Variants in FRYL observed in about 807,000 individuals in gnomAD.
FRYL encodes the protein protein furry homolog-like.
FRYL carries 150 observed loss-of-function variants against 351.2 expected under a neutral mutation model. The ratio of observed to expected loss-of-function variants is 0.43; its 90% CI spans 0.37 to 0.49. The LOEUF (loss-of-function observed/expected upper bound fraction) is 0.49, where lower values mean the gene tolerates loss of function less well. Among genes scored for constraint, FRYL ranks in the 20% least tolerant of loss-of-function variants. FRYL has a pLI of 0.00. For missense variants in FRYL, 3,036 were observed against 3,619.3 expected, an observed-to-expected ratio of 0.84 and a Z score of 4.13; for synonymous variants, 1,153 against 1,257.1, an observed-to-expected ratio of 0.92 and a Z score of 1.75.
At chr4:48,522,067 C>CA in intron 54 of FRYL, among the ~76,000 whole-genome samples, 1 of 152,116 alleles carries the variant, frequency 6.6e-6, no homozygotes, top group Middle Eastern at 3.4e-3. Flanking sequence ...CACTTGAGGC[C>CA]AGGAGTTCAA....
chr4:48,561,840 C>T (rs1735576033), intron 32 of FRYL, among the ~76,000 whole-genome samples: 1 of 152,022 alleles, frequency 6.6e-6, no homozygotes, highest in Non-Finnish European at 1.5e-5. Context: ...CATAGCAGGA[C>T]CTCATCTCTA....
chr4:48,562,418 T>G lies in FRYL; in HGVS notation c.3696+471A>C, dbSNP rs529410410. Among the ~76,000 whole-genome samples the G allele has an allele frequency of 7.2e-4, 109 of 152,352 alleles. No individual in the cohort carries two copies. The Middle Eastern group carries it at 0.014, about 19-fold the overall frequency. ...TTAAGATGGAAGAATCTTGCCCTATTATGAATTAGTTAAGTATTGCATACT... is the reference window on the plus strand; with the variant it reads ...TTAAGATGGAAGAATCTTGCCCTATGATGAATTAGTTAAGTATTGCATACT... On this transcript the variant is annotated intron_variant, in intron 32 of 63. Coordinates refer to ENST00000358350, the MANE Select transcript of FRYL (RefSeq NM_015030.2).
chr4:48,568,180 G>A (rs1301932868), intron 27 of FRYL, among the ~76,000 whole-genome samples: 1 of 152,184 alleles, frequency 6.6e-6, no homozygotes, highest in Admixed American at 6.5e-5. Flanking sequence ...TGGGAGGATT[G>A]TTTGAGCCTG....
intron 57 of FRYL, 37 bp from the exon 58 acceptor site, chr4:48,511,021 A>G: frequency 1.3e-6 from 2 of 1,503,548 alleles, no homozygotes; most frequent in Non-Finnish European, 1.8e-6. Flanking sequence ...TTAGTGTTTC[A>G]TAAGAAGGCC....
chr4:48,746,692 G>A (rs1772719171), intron 1 of FRYL, among the ~76,000 whole-genome samples: 1 of 152,178 alleles, frequency 6.6e-6, no homozygotes, highest in Non-Finnish European at 1.5e-5. Flanking sequence ...CAGAAGTGGT[G>A]CCAGCTTCTA....
intron 4 of FRYL, among the ~76,000 whole-genome samples, chr4:48,633,411 A>G (rs545854719): frequency 1.3e-5 from 2 of 152,278 alleles, no homozygotes; most frequent in South Asian, 4.1e-4. Context: ...AGATGATACC[A>G]AAATCTGTAT....
At chr4:48,569,771 A>C (rs957442695) in intron 27 of FRYL, among the ~76,000 whole-genome samples, 4 of 152,226 alleles carry the variant, frequency 2.6e-5, no homozygotes, top group African/African-American at 9.6e-5. Flanking sequence ...AATGCTGTGC[A>C]GTTATCATAG....
chr4:48,510,284 T>C (rs1433078575), intron 58 of FRYL, 127 bp from the exon 59 acceptor site: 7 of 696,910 alleles, frequency 1.0e-5, no homozygotes, highest in Non-Finnish European at 1.8e-5. Flanking sequence ...TTAACTCTAC[T>C]CTGTCCCATA....
rs1223949889 is a variant in FRYL, at chr4:48,710,715, T to C, written c.-383-17A>G. On this transcript the variant is annotated splice_polypyrimidine_tract_variant and intron_variant, in intron 1 of 63. Transcript: ENST00000358350. Reference sequence around the variant, plus strand: ...TGTTCTAGGCTGGAAGATTAAAAAATAGGAAATATGGTCATCACTAACAGC... The same window carrying C: ...TGTTCTAGGCTGGAAGATTAAAAAACAGGAAATATGGTCATCACTAACAGC... The C allele has an allele frequency of 2.5e-5, 10 of 397,214 alleles. No individual in the cohort carries two copies. Among genetic ancestry groups the C allele is most frequent in the Non-Finnish European group, 4.0e-5 (9 of 225,634 alleles). 24.6% of individuals were successfully genotyped at this position (397,214 alleles called of 1,614,324 possible).
At chr4:48,607,844 T>C (rs1747195551) in intron 9 of FRYL, among the ~76,000 whole-genome samples, 1 of 152,184 alleles carries the variant, frequency 6.6e-6, no homozygotes, top group South Asian at 2.1e-4. Flanking sequence ...CCATCTAGAG[T>C]TAACGTAGCC....
chr4:48,645,884 G>A (rs1756370237), intron 3 of FRYL: 1 of 151,970 alleles, frequency 6.6e-6, no homozygotes, highest in South Asian at 2.1e-4. Flanking sequence ...CCATACAAAA[G>A]CCCTACACTT....
intron 1 of FRYL, among the ~76,000 whole-genome samples, chr4:48,715,770 A>G (rs1578813604): frequency 6.6e-6 from 1 of 152,188 alleles, no homozygotes; most frequent in African/African-American, 2.4e-5. Flanking sequence ...TTGGAAAAAA[A>G]CTACTTTAAA....
At chr4:48,594,639 G>A (rs1420143615) in intron 15 of FRYL, among the ~76,000 whole-genome samples, 2 of 152,126 alleles carry the variant, frequency 1.3e-5, no homozygotes, top group Admixed American at 6.5e-5. Context: ...TTGTACTCTA[G>A]TAAATAACAA....
At chr4:48,716,226 A>G (rs1296917996) in intron 1 of FRYL, among the ~76,000 whole-genome samples, 1 of 151,598 alleles carries the variant, frequency 6.6e-6, no homozygotes, top group Non-Finnish European at 1.5e-5. Context: ...CAAGGACTTC[A>G]TGCCTAAAAC....
rs756345529 is a variant in FRYL at position 48,501,652 on chromosome 4, G to C, written c.8563C>G (p.Gln2855Glu). The change falls in exon 62 of 64, where the codon CAA (glutamine) becomes GAA (glutamate). Residue 2855 changes from glutamine (Q) to glutamate (E), a missense_variant. By Grantham distance (29) the Gln-to-Glu change is conservative. Transcript: ENST00000358350. ...GCTTCATTTTTTATCGTATTTACTT[G>C]GTTGATAAGTTTACAGTAGGCCTGG... ...LFQAYCKLINQVNTIKNEAEV... is the reference protein window; with the variant it reads ...LFQAYCKLINEVNTIKNEAEV... 17 of 1,602,154 alleles carry C rather than the reference G, an allele frequency of 1.1e-5. No individual in the cohort carries two copies. Among genetic ancestry groups the C allele is most frequent in the African/African-American group, 1.3e-5 (1 of 74,718 alleles).
At chr4:48,550,079 A>C (rs1732347430) in intron 38 of FRYL, among the ~76,000 whole-genome samples, 1 of 152,212 alleles carries the variant, frequency 6.6e-6, no homozygotes, top group Non-Finnish European at 1.5e-5. Flanking sequence ...ATTCTGTGTG[A>C]CGTGGGTAAG....
Position 48,549,711 on chromosome 4 carries a change from GTA to G in FRYL, c.4634-90_4634-89del. 1 of 1,036,746 alleles carries G rather than the reference GTA, an allele frequency of 9.6e-7. No individual in the cohort carries two copies. Among genetic ancestry groups the G allele is most frequent in the Non-Finnish European group, 1.4e-6 (1 of 730,302 alleles). 64.2% of individuals were successfully genotyped at this position (1,036,746 alleles called of 1,614,324 possible). A position where few individuals can be genotyped will look rare whatever the true frequency, so the allele number is the denominator to read the frequency against. On this transcript the variant is annotated intron_variant, in intron 38 of 63. Transcript: ENST00000358350. The surrounding 1 kb of genome is among the most constrained non-coding windows in gnomAD (Gnocchi z 4.2). ...TAGTAAGATCCCAACTATTTATATA[GTA>G]TTGGAAAGTGATAAAAAAAATTTCC...
chr4:48,695,772 A>G (rs1199395598), intron 2 of FRYL, among the ~76,000 whole-genome samples: 1 of 152,208 alleles, frequency 6.6e-6, no homozygotes, highest in African/African-American at 2.4e-5. Context: ...CGTTTTTGCA[A>G]GCTACCCATC....
At chr4:48,552,826 A>T (rs1335126740) in intron 36 of FRYL, among the ~76,000 whole-genome samples, 1 of 152,192 alleles carries the variant, frequency 6.6e-6, no homozygotes, top group Non-Finnish European at 1.5e-5. Context: ...TGCTGAAAAC[A>T]TTTAAAGTAA....
Sources: allele counts gnomAD v4.1 joint callset (sites outside exome capture counted in the v4.1 genomes callset), GRCh38; gene constraint gnomAD v4.1.1; non-coding constraint Gnocchi (gnomAD v3.1); transcripts MANE v1.5; gene names NCBI Gene and HGNC (gene_info 2026-07-23, HGNC 2026-07-21).